The following HERC3 variants were observed in gnomAD, a reference collection of about 807,000 sequenced individuals.
HERC3 encodes the protein probable E3 ubiquitin-protein ligase HERC3.
Under a neutral mutation model 129.9 loss-of-function variants are expected in HERC3, and 58 were observed. That is an observed-to-expected ratio of 0.45 (90% CI 0.36 to 0.56). The LOEUF is 0.56. HERC3 is among the 20% of genes least tolerant of loss of function. HERC3 has a pLI of 0.00. For missense variants in HERC3, 835 were observed against 1,244.2 expected (o/e 0.67, Z 4.95); for synonymous variants, 430 against 451.0 (o/e 0.95, Z 0.59).
intron 3 of HERC3, among the ~76,000 whole-genome samples, chr4:88,631,393 T>A (rs1390617306): frequency 6.6e-6 from 1 of 152,174 alleles, no homozygotes; most frequent in Non-Finnish European, 1.5e-5. Context: ...AGGCAGAGGT[T>A]ACAGTGAGCT....
chr4:88,654,665 C>G (rs1729694461), intron 7 of HERC3, among the ~76,000 whole-genome samples: 1 of 151,288 alleles, frequency 6.6e-6, no homozygotes, highest in Non-Finnish European at 1.5e-5. Flanking sequence ...AATCATGTTT[C>G]TTTTGCTTCT....
chr4:88,620,178 G>T (rs1725357819), intron 3 of HERC3, among the ~76,000 whole-genome samples: 1 of 152,196 alleles, frequency 6.6e-6, no homozygotes, highest in Non-Finnish European at 1.5e-5. Flanking sequence ...ATCCTCTAGG[G>T]AATAGGTTGA....
intron 3 of HERC3, among the ~76,000 whole-genome samples, chr4:88,620,800 A>G (rs1257722005): frequency 6.6e-6 from 1 of 151,958 alleles, no homozygotes; most frequent in African/African-American, 2.4e-5. Flanking sequence ...GCTATTCTGT[A>G]ACTTGGGAAC....
intron 16 of HERC3, among the ~76,000 whole-genome samples, chr4:88,672,526 A>G (rs895316324): frequency 6.6e-6 from 1 of 152,118 alleles, no homozygotes; most frequent in African/African-American, 2.4e-5. Context: ...TTCATATGTT[A>G]TTTTTGTTTA....
At chr4:88,574,864 G>T in the HERC3 span, among the ~76,000 whole-genome samples, 1 of 152,134 alleles carries the variant, frequency 6.6e-6, no homozygotes, top group Non-Finnish European at 1.5e-5. Flanking sequence ...GAATAATGCT[G>T]CTGTGAACAT....
chr4:88,642,130 C>CAAAAAAAAA (rs200464130), intron 3 of HERC3, among the ~76,000 whole-genome samples: 1 of 77,068 alleles, frequency 1.3e-5, no homozygotes, highest in African/African-American at 5.0e-5. Context: ...GACTCTGTCT[C>CAAAAAAAAA]AAAAAAAAAA....
At chr4:88,579,226 A>AT in the HERC3 span, among the ~76,000 whole-genome samples, 7 of 93,938 alleles carry the variant, frequency 7.5e-5, no homozygotes, top group African/African-American at 6.1e-4. Flanking sequence ...TACTAAAAAA[A>AT]AAAAAAATAT....
intron 23 of HERC3, chr4:88,697,801 C>G (rs1262910511): frequency 6.5e-7 from 1 of 1,535,460 alleles, no homozygotes; most frequent in Admixed American, 2.1e-5. Flanking sequence ...CGCAGAGGCC[C>G]TGCACCCGAG....
At chr4:88,677,499 A>G (rs114331764) in intron 18 of HERC3, among the ~76,000 whole-genome samples, 1 of 151,802 alleles carries the variant, frequency 6.6e-6, no homozygotes, top group African/African-American at 2.4e-5. Context: ...GACTGCATCT[A>G]TCTATATATA....
chr4:88,528,502 T>C, the HERC3 span, among the ~76,000 whole-genome samples: 2 of 151,992 alleles, frequency 1.3e-5, no homozygotes, highest in Non-Finnish European at 2.9e-5. Context: ...GGATATGAAG[T>C]TTTTAACCTT....
At chr4:88,678,618 A>G (rs538069325) in intron 19 of HERC3, among the ~76,000 whole-genome samples, 2 of 152,358 alleles carry the variant, frequency 1.3e-5, no homozygotes, top group Non-Finnish European at 2.9e-5. Flanking sequence ...TCCATATATC[A>G]TGCATATTTC....
At chr4:88,536,163 GTC>G in the HERC3 span, among the ~76,000 whole-genome samples, 16 of 152,210 alleles carry the variant, frequency 1.1e-4, no homozygotes, top group Admixed American at 6.5e-5. Flanking sequence ...GCCCCAGACT[GTC>G]TCCAGCATAT....
chr4:88,655,313 T>C lies in HERC3; in HGVS notation c.908+9T>C. On this transcript the variant is annotated intron_variant, in intron 8 of 25. Transcript: ENST00000402738. Reference sequence around the variant, plus strand: ...CAAATTGCTTGTGGCAGGTGAGTGTTCCTCAAAGCTTGCTTGTATTCACTA... The same window carrying C: ...CAAATTGCTTGTGGCAGGTGAGTGTCCCTCAAAGCTTGCTTGTATTCACTA... 6.2e-7 allele frequency: 1 copy of C among 1,613,076 alleles called. No individual in the cohort carries two copies. The highest frequency in any genetic ancestry group is 8.5e-7 in the Non-Finnish European group (1 of 1,179,368).
the HERC3 span, among the ~76,000 whole-genome samples, chr4:88,530,635 G>A: frequency 1.3e-5 from 2 of 152,168 alleles, no homozygotes; most frequent in South Asian, 4.1e-4. Flanking sequence ...GCTAGGCAGA[G>A]ATGAGTATGA....
At chr4:88,564,682 A>T in the HERC3 span, among the ~76,000 whole-genome samples, 1 of 152,042 alleles carries the variant, frequency 6.6e-6, no homozygotes, top group Non-Finnish European at 1.5e-5. Flanking sequence ...CAAAAAACCA[A>T]ATTGTTGTTT....
At chr4:88,532,699 G>A in the HERC3 span, among the ~76,000 whole-genome samples, 1 of 152,010 alleles carries the variant, frequency 6.6e-6, no homozygotes, top group Non-Finnish European at 1.5e-5. Flanking sequence ...GAAAATAAAA[G>A]GTCCTGATCA....
chr4:88,611,136 G>T (rs929957406), intron 3 of HERC3, among the ~76,000 whole-genome samples: 5 of 152,214 alleles, frequency 3.3e-5, no homozygotes, highest in African/African-American at 1.2e-4. Context: ...TGTTGGTTAA[G>T]CTTGTCTGTT....
intron 2 of HERC3, among the ~76,000 whole-genome samples, chr4:88,603,230 G>A (rs1723218713): frequency 7.1e-6 from 1 of 141,736 alleles, no homozygotes; most frequent in Admixed American, 7.0e-5. Context: ...TTTTTGAGGT[G>A]GAGTTTTGCT....
chr4:88,545,932 G>T, the HERC3 span, among the ~76,000 whole-genome samples: 1 of 151,888 alleles, frequency 6.6e-6, no homozygotes, highest in African/African-American at 2.4e-5. Flanking sequence ...CCTTAATAGT[G>T]GTATAAATGT....
Sources: allele counts gnomAD v4.1 joint callset (sites outside exome capture counted in the v4.1 genomes callset), GRCh38; gene constraint gnomAD v4.1.1; transcripts MANE v1.5; gene names NCBI Gene and HGNC (gene_info 2026-07-23, HGNC 2026-07-21).